Variants in CACNA2D3 observed in about 807,000 individuals in gnomAD.
The protein encoded by CACNA2D3 is voltage-dependent calcium channel subunit alpha-2/delta-3.
In CACNA2D3, 60 loss-of-function variants were observed where a neutral mutation model predicts 160.6. The ratio of observed to expected loss-of-function variants is 0.37; its 90% CI spans 0.30 to 0.46. The LOEUF (loss-of-function observed/expected upper bound fraction) is 0.46. Among genes scored for constraint, CACNA2D3 ranks in the 20% least tolerant of loss-of-function variants. The pLI is 1.00. For missense variants in CACNA2D3, 1,205 were observed against 1,365.0 expected (o/e 0.88, Z 1.85); for synonymous variants, 558 against 492.9 (o/e 1.13, Z -1.75).
intron 4 of CACNA2D3, among the ~76,000 whole-genome samples, chr3:54,443,377 T>G (rs1462287192): frequency 6.6e-6 from 1 of 152,202 alleles, no homozygotes; most frequent in Non-Finnish European, 1.5e-5. Flanking sequence ...CAAAATTCAC[T>G]TTAGGCAGCG....
At chr3:54,534,497 G>A (rs1034733799) in intron 5 of CACNA2D3, among the ~76,000 whole-genome samples, 9 of 151,998 alleles carry the variant, frequency 5.9e-5, no homozygotes, top group African/African-American at 2.2e-4. Flanking sequence ...CCCACGCGAT[G>A]CTCCATCTGC....
intron 27 of CACNA2D3, among the ~76,000 whole-genome samples, chr3:54,959,154 A>G (rs1038033216): frequency 6.6e-6 from 1 of 152,152 alleles, no homozygotes; most frequent in African/African-American, 2.4e-5. Context: ...AGTTTTTCAA[A>G]TGAACTGTCT....
intron 25 of CACNA2D3, among the ~76,000 whole-genome samples, chr3:54,895,695 A>T (rs975053744): frequency 1.3e-5 from 2 of 152,068 alleles, no homozygotes; most frequent in African/African-American, 4.8e-5. Flanking sequence ...TTGTCCCTTG[A>T]TTGGTCTCCC....
chr3:54,457,828 A>G (rs1336229133), intron 4 of CACNA2D3, among the ~76,000 whole-genome samples: 2 of 152,118 alleles, frequency 1.3e-5, no homozygotes, highest in African/African-American at 4.8e-5. Flanking sequence ...TTGTCATTAC[A>G]TAATGACTTT....
At chr3:54,599,593 A>G (rs1006262047) in intron 9 of CACNA2D3, among the ~76,000 whole-genome samples, 2 of 152,112 alleles carry the variant, frequency 1.3e-5, no homozygotes, top group Non-Finnish European at 2.9e-5. Flanking sequence ...TAAATAAAAT[A>G]ACTAATTAAT....
intron 4 of CACNA2D3, among the ~76,000 whole-genome samples, chr3:54,428,386 G>A (rs1014773645): frequency 6.6e-6 from 1 of 152,116 alleles, no homozygotes; most frequent in African/African-American, 2.4e-5. Context: ...AACAATAAAT[G>A]TTAAGATAGG....
intron 13 of CACNA2D3, among the ~76,000 whole-genome samples, chr3:54,806,026 T>G (rs1359948865): frequency 6.6e-6 from 1 of 152,152 alleles, no homozygotes; most frequent in Non-Finnish European, 1.5e-5. Context: ...AAACTCTCAA[T>G]AAATTAGGTA....
rs551882678 is a variant in CACNA2D3 at position 54,168,690 on chromosome 3, G to T, written c.204+45096G>T. Among the ~76,000 whole-genome samples, 17 of 152,288 alleles carry T rather than the reference G, an allele frequency of 1.1e-4. 1 individual carries two copies. In the South Asian group the frequency reaches 3.5e-3, roughly 32 times the overall value. On this transcript the variant is annotated intron_variant, in intron 2 of 37. Transcript: ENST00000474759. ...CAGGCCACTCCTTTAGGGCAGGCTTGTTGACTCTCTGAAGTTTGTTTATGC... is the reference window on the plus strand; with the variant it reads ...CAGGCCACTCCTTTAGGGCAGGCTTTTTGACTCTCTGAAGTTTGTTTATGC...
At chr3:54,871,966 C>T (rs571579580) in intron 18 of CACNA2D3, among the ~76,000 whole-genome samples, 13 of 152,330 alleles carry the variant, frequency 8.5e-5, no homozygotes, top group African/African-American at 2.9e-4. Context: ...TGGGCAACAG[C>T]AGGCTCTGCC....
intron 11 of CACNA2D3, among the ~76,000 whole-genome samples, chr3:54,683,962 C>CTTTTTTTTTTTT (rs61481695): frequency 1.8e-5 from 2 of 110,828 alleles, no homozygotes; most frequent in African/African-American, 8.6e-5. Flanking sequence ...AAATTTCCAC[C>CTTTTTTTTTTTT]TTTTTTTTTT....
chr3:55,054,748 CAT>C (rs763239145), intron 35 of CACNA2D3, among the ~76,000 whole-genome samples: 2 of 152,008 alleles, frequency 1.3e-5, no homozygotes, highest in South Asian at 4.2e-4. Context: ...TCTTCACATG[CAT>C]AGTCAGTTTT....
intron 2 of CACNA2D3, among the ~76,000 whole-genome samples, chr3:54,135,399 T>C (rs979370620): frequency 6.6e-6 from 1 of 152,186 alleles, no homozygotes; most frequent in African/African-American, 2.4e-5. Flanking sequence ...GTTTGGGTTG[T>C]TTTTATTTGC....
chr3:54,432,118 C>T (rs1575451277), intron 4 of CACNA2D3, among the ~76,000 whole-genome samples: 1 of 152,144 alleles, frequency 6.6e-6, no homozygotes, highest in East Asian at 1.9e-4. Flanking sequence ...CGAAAAAAAT[C>T]AAAACTGCAG....
chr3:54,916,590 A>T (rs1036165858), intron 27 of CACNA2D3, among the ~76,000 whole-genome samples: 1 of 152,244 alleles, frequency 6.6e-6, no homozygotes, highest in East Asian at 1.9e-4. Flanking sequence ...AAGGTGGTCC[A>T]TCTTTAGCCT....
At chr3:54,371,032 A>C (rs1698918214) in intron 3 of CACNA2D3, among the ~76,000 whole-genome samples, 1 of 152,194 alleles carries the variant, frequency 6.6e-6, no homozygotes, top group Admixed American at 6.5e-5. Context: ...TTCAAGAGTC[A>C]TCTGCTACAT....
intron 11 of CACNA2D3, among the ~76,000 whole-genome samples, chr3:54,727,638 T>TCAG (rs1315213610): frequency 6.6e-6 from 1 of 152,196 alleles, no homozygotes; most frequent in African/African-American, 2.4e-5. Flanking sequence ...ACTATCATTC[T>TCAG]CAGCAAACTA....
At chr3:54,391,511 TC>T (rs1699280845) in intron 4 of CACNA2D3, among the ~76,000 whole-genome samples, 12 of 149,770 alleles carry the variant, frequency 8.0e-5, no homozygotes, top group African/African-American at 1.5e-4. Context: ...TTTCTTTCTT[TC>T]TTTCTTTTTT....
chr3:54,984,710 A>C lies in CACNA2D3; in HGVS notation c.2619+40A>C, dbSNP rs192773152. ...TCTACCAGCTCCAAGTAAGGATCTC[A>C]GAATGTGCTTGGGTCAGGGGGAACA... On this transcript the variant is annotated intron_variant, in intron 30 of 37. Transcript: ENST00000474759. 2.7e-4 allele frequency: 344 copies of C among 1,294,576 alleles called. 4 individuals carry two copies. The East Asian group carries it at 7.4e-3, about 28-fold the overall frequency. The allele number at this position is 1,294,576 out of a possible 1,614,324, so 80.2% of individuals were successfully genotyped here.
chr3:54,975,785 C>T (rs755890814), intron 29 of CACNA2D3, among the ~76,000 whole-genome samples: 1 of 152,078 alleles, frequency 6.6e-6, no homozygotes. Context: ...TCCCCCTAAA[C>T]TATGTCTTGG....
Sources: allele counts gnomAD v4.1 joint callset (sites outside exome capture counted in the v4.1 genomes callset), GRCh38; gene constraint gnomAD v4.1.1; transcripts MANE v1.5; gene names NCBI Gene and HGNC (gene_info 2026-07-23, HGNC 2026-07-21).